IL1R1: variants seen among roughly 807,000 people sequenced by gnomAD.
IL1R1 encodes the protein interleukin-1 receptor type 1.
IL1R1 carries 22 observed loss-of-function variants against 50.2 expected under a neutral mutation model. The observed-to-expected ratio is 0.44, with a 90% CI of 0.31 to 0.63. The LOEUF is 0.63. Ranked by LOEUF, IL1R1 falls within the 20% of genes least tolerant of loss-of-function variation. The pLI is 0.07. For synonymous variants in IL1R1, 251 were observed against 236.7 expected, an observed-to-expected ratio of 1.06 and a Z score of -0.55; for missense variants, 509 against 676.2, an observed-to-expected ratio of 0.75 and a Z score of 2.74.
rs1350172559 is a variant in IL1R1 at position 102,178,736 on chromosome 2, C to G, written c.*1977C>G. 6.6e-6 allele frequency: 1 copy of G among 152,296 alleles called. No homozygotes were observed. Among genetic ancestry groups the G allele is most frequent in the African/African-American group, 2.4e-5 (1 of 41,454 alleles). 9.4% of individuals were successfully genotyped at this position (152,296 alleles called of 1,614,324 possible). Reference sequence around the variant, plus strand: ...TGTTTAGATTTTATGAAAAACTCTTCTACTTTCATCTATTCTTTCCCTAGA... The same window carrying G: ...TGTTTAGATTTTATGAAAAACTCTTGTACTTTCATCTATTCTTTCCCTAGA... On this transcript the variant is annotated 3_prime_UTR_variant, in exon 12 of 12. Coordinates refer to ENST00000410023, the MANE Select transcript of IL1R1 (RefSeq NM_000877.4).
At chr2:102,077,112 C>T (rs1679002511) in intron 1 of IL1R1, among the ~76,000 whole-genome samples, 1 of 151,596 alleles carries the variant, frequency 6.6e-6, no homozygotes, top group Admixed American at 6.6e-5. Context: ...GCTCTGTTGC[C>T]CAGGCTGGAG....
In IL1R1 at chr2:102,164,865, C is replaced by G; in HGVS notation, c.153C>G (p.His51Gln). 1 of 1,613,974 alleles carries G rather than the reference C, an allele frequency of 6.2e-7. No homozygotes were observed. The highest frequency in any genetic ancestry group is 1.1e-5 in the South Asian group (1 of 91,074). Residue 51 changes from histidine (H) to glutamine (Q), a missense_variant, in exon 4 of 12, where the codon CAC becomes CAG. Transcript: ENST00000410023. ...VRPCPLNPNEHKGTITWYKDD... is the reference protein window; with the variant it reads ...VRPCPLNPNEQKGTITWYKDD... ...CCTGTCCTCTTAACCCAAATGAACA[C>G]AAAGGCACTATAACTTGGTATAAAG... is the stretch of plus-strand genomic sequence containing the variant.
chr2:102,172,017 C>G, intron 8 of IL1R1, 99 bp downstream of exon 8: 1 of 338,744 alleles, frequency 3.0e-6, no homozygotes, highest in Non-Finnish European at 5.2e-6. Context: ...TTAGTTGCTC[C>G]TAACCTTTGC....
intron 1 of IL1R1, among the ~76,000 whole-genome samples, chr2:102,124,439 CA>C (rs1270124835): frequency 2.0e-5 from 3 of 148,322 alleles, no homozygotes; most frequent in South Asian, 4.4e-4. Context: ...ACTGCCCCCC[CA>C]AAAAAGAAAT....
intron 1 of IL1R1, among the ~76,000 whole-genome samples, chr2:102,114,038 A>C (rs1019038975): frequency 2.6e-5 from 4 of 152,186 alleles, no homozygotes; most frequent in Non-Finnish European, 5.9e-5. Context: ...TCTTTCTCAC[A>C]TGTCCTTCAG....
chr2:102,098,542 G>A (rs1463447329), intron 1 of IL1R1, among the ~76,000 whole-genome samples: 9 of 152,102 alleles, frequency 5.9e-5, no homozygotes, highest in Admixed American at 2.6e-4. Flanking sequence ...GGTCATATTC[G>A]ACAGTCAAGA....
At chr2:102,120,522 A>G (rs943785557) in intron 1 of IL1R1, among the ~76,000 whole-genome samples, 3 of 152,156 alleles carry the variant, frequency 2.0e-5, no homozygotes, top group African/African-American at 7.2e-5. Context: ...CTCACAGGTG[A>G]ATTGTCAATT....
At chr2:102,080,095 T>C (rs74998671) in intron 1 of IL1R1, among the ~76,000 whole-genome samples, 130 of 152,186 alleles carry the variant, frequency 8.5e-4, no homozygotes, top group Non-Finnish European at 1.5e-3. Context: ...CAAAAAGCAA[T>C]CATAGAACTA....
At chr2:102,164,230 C>T (rs1368341696) in intron 3 of IL1R1, among the ~76,000 whole-genome samples, 1 of 152,042 alleles carries the variant, frequency 6.6e-6, no homozygotes, top group Non-Finnish European at 1.5e-5. Flanking sequence ...GGTACTCTGC[C>T]CTGCAAACTT....
At chr2:102,168,473 T>C (rs774720019) in intron 6 of IL1R1, 125 bp from the exon 7 acceptor site, 3 of 772,132 alleles carry the variant, frequency 3.9e-6, no homozygotes, top group Non-Finnish European at 6.9e-6. Context: ...TCCTGGCATA[T>C]GTGCTTTGAA....
intron 1 of IL1R1, among the ~76,000 whole-genome samples, chr2:102,116,851 A>T (rs1371079410): frequency 2.0e-5 from 3 of 152,160 alleles, no homozygotes; most frequent in Non-Finnish European, 2.9e-5. Flanking sequence ...ATGACCTCGT[A>T]ACATTTTCCT....
At chr2:102,098,000 C>T (rs6736317) in intron 1 of IL1R1, among the ~76,000 whole-genome samples, 148,788 of 152,146 alleles carry the variant, frequency 0.98, 72,779 homozygotes, top group East Asian at 1. Context: ...AACTTAGAGG[C>T]ACAAATCTTA....
chr2:102,085,108 G>A (rs149336410), intron 1 of IL1R1, among the ~76,000 whole-genome samples: 1 of 152,288 alleles, frequency 6.6e-6, no homozygotes, highest in African/African-American at 2.4e-5. Flanking sequence ...ATTTGCAGTG[G>A]TTTTTAATGC....
intron 1 of IL1R1, among the ~76,000 whole-genome samples, chr2:102,097,162 G>A (rs964665736): frequency 2.6e-5 from 4 of 152,026 alleles, no homozygotes; most frequent in African/African-American, 4.8e-5. Flanking sequence ...TGACTTTATC[G>A]GGGATCGGGG....
chr2:102,102,923 AC>A (rs1680205952), upstream of IL1R1, among the ~76,000 whole-genome samples: 1 of 152,164 alleles, frequency 6.6e-6, no homozygotes, highest in African/African-American at 2.4e-5. Context: ...GCATGGTCTC[AC>A]TTATAAGTGA....
intron 1 of IL1R1, among the ~76,000 whole-genome samples, chr2:102,143,732 C>G (rs1350583143): frequency 1.3e-5 from 2 of 152,204 alleles, no homozygotes; most frequent in Non-Finnish European, 2.9e-5. Context: ...CCTGCCAGGG[C>G]TTTCTCCTCT....
intron 9 of IL1R1, 48 bp from the exon 10 acceptor site, chr2:102,174,539 C>A: frequency 7.0e-7 from 1 of 1,426,042 alleles, no homozygotes; most frequent in Non-Finnish European, 9.4e-7. Context: ...AGTTTTAATT[C>A]TTTTTGGTTC....
upstream of IL1R1, among the ~76,000 whole-genome samples, chr2:102,140,385 T>G (rs554623199): frequency 1.8e-4 from 27 of 152,306 alleles, no homozygotes; most frequent in East Asian, 4.0e-3. Context: ...GCTAGACAAG[T>G]GGAGGAGAAA....
chr2:102,111,397 G>A lies in IL1R1; in HGVS notation c.-84+6525G>A, dbSNP rs113529242. ...TCTTGGCCAACCTTGTCCTCCGTGT[G>A]AGACAAGTGGAGACATTTTACAAAA... On this transcript the variant is annotated intron_variant, in intron 1 of 10. Coordinates refer to the IL1R1 transcript ENST00000409329. Among the ~76,000 whole-genome samples the A allele has an allele frequency of 7.5e-3, 1,148 of 152,330 alleles. 7 individuals carry two copies. The highest frequency in any genetic ancestry group is 0.02 in the Middle Eastern group (6 of 294).
Sources: gnomAD v4.1 joint callset for allele counts (sites outside exome capture counted in the v4.1 genomes callset) on GRCh38, gnomAD v4.1.1 for gene constraint, MANE v1.5 for transcripts, NCBI Gene and HGNC (gene_info 2026-07-23, HGNC 2026-07-21) for gene names.